MECOM: variants seen among roughly 807,000 people sequenced by gnomAD.
MECOM encodes the protein MDS1 and EVI1 complex locus.
A neutral mutation model predicts 116.3 loss-of-function variants in MECOM; 13 were observed. That is an observed-to-expected ratio of 0.11 (90% CI 0.07 to 0.18). The LOEUF (loss-of-function observed/expected upper bound fraction) is 0.18, where lower values mean the gene tolerates loss of function less well. Ranked by LOEUF, MECOM falls within the 10% of genes least tolerant of loss-of-function variation. MECOM has a pLI of 1.00. For synonymous variants in MECOM, 528 were observed against 535.2 expected (o/e 0.99, Z 0.19); for missense variants, 1,299 against 1,509.0 (o/e 0.86, Z 2.31).
At chr3:169,622,369 G>A (rs1770853473) in intron 1 of MECOM, among the ~76,000 whole-genome samples, 1 of 152,174 alleles carries the variant, frequency 6.6e-6, no homozygotes, top group African/African-American at 2.4e-5. Context: ...TGAGATTACA[G>A]GGTATGAGCC....
In MECOM at chr3:169,455,875, GGCT is replaced by G. The variant is rs766734963; in HGVS notation, c.38-74354_38-74352del. Among the ~76,000 whole-genome samples, 98 of 152,274 alleles carry G rather than the reference GGCT, an allele frequency of 6.4e-4. 1 individual carries two copies. The Middle Eastern group carries it at 0.02, about 32-fold the overall frequency. ...AATGTTGCTCTTATTGGTTTGACGT[GGCT>G]GCTGTTTGTGAATGTAGTTCTTATG... On this transcript the variant is annotated intron_variant, in intron 1 of 16. Transcript: ENST00000651503.
intron 2 of MECOM, among the ~76,000 whole-genome samples, chr3:169,222,664 A>T (rs1452570462): frequency 6.6e-6 from 1 of 152,192 alleles, no homozygotes; most frequent in African/African-American, 2.4e-5. Flanking sequence ...GCAGATATAA[A>T]TTTTCATTAT....
chr3:169,341,793 G>A (rs1377042976), intron 2 of MECOM, among the ~76,000 whole-genome samples: 3 of 150,674 alleles, frequency 2.0e-5, no homozygotes, highest in African/African-American at 7.3e-5. Flanking sequence ...GCACAACAAG[G>A]TGTCTATAAT....
chr3:169,409,849 A>C (rs541279701), intron 1 of MECOM, among the ~76,000 whole-genome samples: 13 of 152,332 alleles, frequency 8.5e-5, no homozygotes, highest in African/African-American at 2.6e-4. Context: ...TAATTTTAAC[A>C]CTACTGAGAG....
intron 2 of MECOM, among the ~76,000 whole-genome samples, chr3:169,324,799 G>A (rs765248695): frequency 2.0e-4 from 30 of 152,170 alleles, no homozygotes; most frequent in Admixed American, 3.9e-4. Context: ...CAGTTTGCCA[G>A]GAAGAACTTG....
chr3:169,246,016 T>C (rs901644555), intron 2 of MECOM, among the ~76,000 whole-genome samples: 3 of 152,178 alleles, frequency 2.0e-5, no homozygotes, highest in Non-Finnish European at 4.4e-5. Flanking sequence ...TGGGACATTC[T>C]TAGATATTGA....
intron 1 of MECOM, among the ~76,000 whole-genome samples, chr3:169,524,486 A>T (rs1238009687): frequency 6.6e-6 from 1 of 152,246 alleles, no homozygotes; most frequent in Non-Finnish European, 1.5e-5. Context: ...TTCTGTTTTC[A>T]CGCCTAAGTA....
chr3:169,385,655 C>T (rs1733202075), intron 1 of MECOM, among the ~76,000 whole-genome samples: 2 of 152,110 alleles, frequency 1.3e-5, no homozygotes, highest in East Asian at 3.8e-4. Flanking sequence ...AAAATAATGC[C>T]TCCATATACA....
intron 2 of MECOM, among the ~76,000 whole-genome samples, chr3:169,306,038 T>A (rs1438151412): frequency 6.6e-6 from 1 of 152,168 alleles, no homozygotes; most frequent in Non-Finnish European, 1.5e-5. Flanking sequence ...AGGTACATTG[T>A]TACCGCTCTG....
Position 169,122,577 on chromosome 3 carries a change from T to C in MECOM, c.978+3A>G, listed in dbSNP as rs1469524613. Reference sequence around the variant, plus strand: ...GGCCAAGTAGCCTACAAATTCACTGTACCTTGGCACAGTTTTCACATTCAT... The same window carrying C: ...GGCCAAGTAGCCTACAAATTCACTGCACCTTGGCACAGTTTTCACATTCAT... On this transcript the variant is annotated splice_donor_region_variant and intron_variant, in intron 6 of 16. Coordinates refer to ENST00000651503, the MANE Select transcript of MECOM (RefSeq NM_004991.4). 1 of 1,613,972 alleles carries C rather than the reference T, an allele frequency of 6.2e-7. No homozygotes were observed. Among genetic ancestry groups the C allele is most frequent in the East Asian group, 2.2e-5 (1 of 44,858 alleles).
intron 1 of MECOM, among the ~76,000 whole-genome samples, chr3:169,441,763 C>T (rs1337576677): frequency 9.3e-6 from 1 of 107,132 alleles, no homozygotes; most frequent in Non-Finnish European, 2.4e-5. Context: ...GGGGGTCTTG[C>T]TCTGTCACCC....
At chr3:169,140,663 C>A (rs1177821556) in intron 3 of MECOM, among the ~76,000 whole-genome samples, 3 of 134,616 alleles carry the variant, frequency 2.2e-5, no homozygotes, top group Non-Finnish European at 1.6e-5. Context: ...AAGAAAGCTG[C>A]CACAAAGCTC....
At chr3:169,238,993 G>A (rs979729512) in intron 2 of MECOM, among the ~76,000 whole-genome samples, 2 of 151,938 alleles carry the variant, frequency 1.3e-5, no homozygotes, top group South Asian at 2.1e-4. Flanking sequence ...AATGAGAATC[G>A]ATAATAATAG....
At chr3:169,569,994 G>C (rs1763688479) in intron 1 of MECOM, among the ~76,000 whole-genome samples, 1 of 152,066 alleles carries the variant, frequency 6.6e-6, no homozygotes, top group Admixed American at 6.6e-5. Context: ...GATCAGAATA[G>C]AATTGAAGGA....
intron 1 of MECOM, among the ~76,000 whole-genome samples, chr3:169,411,523 G>A (rs900357254): frequency 1.3e-5 from 2 of 152,200 alleles, no homozygotes; most frequent in African/African-American, 4.8e-5. Flanking sequence ...CTGTAGAGGA[G>A]ATGTATGCTT....
In MECOM at chr3:169,084,898, C is replaced by T. The variant is rs766243412; in HGVS notation, c.*11G>A. 1.2e-6 allele frequency: 2 copies of T among 1,613,956 alleles called. No homozygotes were observed. Among genetic ancestry groups the T allele is most frequent in the South Asian group, 1.1e-5 (1 of 91,052 alleles). On this transcript the variant is annotated 3_prime_UTR_variant, in exon 17 of 17. Transcript: ENST00000651503. ...TTGGACTTGGTCCCACTCTGGTCAA[C>T]CTTGATAACGTCATACGTGGCTTAT...
At chr3:169,521,515 C>T (rs1757349873) in intron 1 of MECOM, among the ~76,000 whole-genome samples, 1 of 152,160 alleles carries the variant, frequency 6.6e-6, no homozygotes, top group Non-Finnish European at 1.5e-5. Flanking sequence ...ATGTGGTTAA[C>T]CCAAAATGTT....
intron 2 of MECOM, among the ~76,000 whole-genome samples, chr3:169,341,431 C>CA (rs60482855): frequency 0.021 from 1,861 of 89,312 alleles, 20 homozygotes; most frequent in African/African-American, 0.038. Context: ...TTAATAGGTT[C>CA]AAAAAAAAAA....
chr3:169,430,416 AT>A (rs1267637465), intron 1 of MECOM, among the ~76,000 whole-genome samples: 1 of 152,158 alleles, frequency 6.6e-6, no homozygotes, highest in Non-Finnish European at 1.5e-5. Context: ...TGATTTTATC[AT>A]TTTCATTCAT....
Sources: allele counts gnomAD v4.1 joint callset (sites outside exome capture counted in the v4.1 genomes callset), GRCh38; gene constraint gnomAD v4.1.1; transcripts MANE v1.5; gene names NCBI Gene and HGNC (gene_info 2026-07-23, HGNC 2026-07-21).